The following ATP8A2 variants were observed in gnomAD, a reference collection of about 807,000 sequenced individuals.
ATP8A2 encodes the protein ATPase phospholipid transporting 8A2.
A neutral mutation model predicts 165.6 loss-of-function variants in ATP8A2; 100 were observed. That is an observed-to-expected ratio of 0.60 (90% CI 0.51 to 0.71). ATP8A2 has a LOEUF of 0.71. ATP8A2 is among the 30% of genes least tolerant of loss of function. The pLI, the probability that ATP8A2 is intolerant of heterozygous loss-of-function variation, is 0.00. For synonymous variants in ATP8A2, 543 were observed against 548.8 expected, an observed-to-expected ratio of 0.99 and a Z score of 0.15; for missense variants, 1,227 against 1,479.5, an observed-to-expected ratio of 0.83 and a Z score of 2.80.
intron 2 of ATP8A2, among the ~76,000 whole-genome samples, chr13:25,502,431 C>T (rs917425346): frequency 3.3e-5 from 5 of 152,090 alleles, no homozygotes; most frequent in Non-Finnish European, 7.4e-5. Context: ...TGCCAGTGGG[C>T]GTGTGTTCGT....
rs532755657 is a variant in ATP8A2 at position 25,657,265 on chromosome 13, C to T, written c.2212-41908C>T. ...AGGAGCTGTCTGTATCCTCTTTTGC[C>T]TTGTCTGGAGGTGTGTAGGAGGCTG... On this transcript the variant is annotated intron_variant, in intron 24 of 36. Coordinates refer to ENST00000381655, the MANE Select transcript of ATP8A2 (RefSeq NM_016529.6). Among the ~76,000 whole-genome samples, 6 of 152,002 alleles carry T rather than the reference C, an allele frequency of 3.9e-5. No homozygotes were observed. In the East Asian group the frequency reaches 9.7e-4, roughly 25 times the overall value.
intron 33 of ATP8A2, among the ~76,000 whole-genome samples, chr13:25,942,471 G>A (rs1307839204): frequency 2.0e-5 from 3 of 152,168 alleles, no homozygotes; most frequent in East Asian, 3.9e-4. Flanking sequence ...ACCCTAGGCT[G>A]GAGTGCAGTG....
intron 24 of ATP8A2, among the ~76,000 whole-genome samples, chr13:25,603,071 CTAAA>C (rs1351590539): frequency 6.6e-6 from 1 of 152,108 alleles, no homozygotes; most frequent in African/African-American, 2.4e-5. Context: ...GACTCCATCT[CTAAA>C]TAAATAAATA....
rs531379996 is a variant in ATP8A2 at position 25,947,455 on chromosome 13, G to T, written c.3184-14120G>T. On this transcript the variant is annotated intron_variant, in intron 33 of 36. Coordinates refer to ENST00000381655, the MANE Select transcript of ATP8A2 (RefSeq NM_016529.6). ...TGAGGCCCGCTGTGGGGTGGGAGAA[G>T]TCTTTACCGTCATCAGTGACAATGA... Among the ~76,000 whole-genome samples, 9 of 152,240 alleles carry T rather than the reference G, an allele frequency of 5.9e-5. No homozygotes were observed. In the South Asian group the frequency reaches 1.9e-3, roughly 32 times the overall value.
chr13:25,650,689 A>C (rs1269268180), intron 24 of ATP8A2, among the ~76,000 whole-genome samples: 1 of 152,156 alleles, frequency 6.6e-6, no homozygotes, highest in African/African-American at 2.4e-5. Flanking sequence ...ACTGTTTATC[A>C]GGTTATTATG....
chr13:25,775,462 TGGG>T (rs1207277899), intron 27 of ATP8A2, among the ~76,000 whole-genome samples: 2 of 152,060 alleles, frequency 1.3e-5, no homozygotes, highest in African/African-American at 4.8e-5. Flanking sequence ...GGTACTTACG[TGGG>T]AAGGGTGTGG....
At chr13:25,999,801 G>A (rs1287758151) in intron 35 of ATP8A2, among the ~76,000 whole-genome samples, 1 of 152,128 alleles carries the variant, frequency 6.6e-6, no homozygotes, top group Non-Finnish European at 1.5e-5. Context: ...TGGCAGAAAG[G>A]GGAAAGGAGA....
At chr13:25,965,450 CCTG>C (rs1321105499) in intron 34 of ATP8A2, among the ~76,000 whole-genome samples, 4 of 152,184 alleles carry the variant, frequency 2.6e-5, no homozygotes, top group African/African-American at 9.6e-5. Flanking sequence ...ACGCTATTAT[CCTG>C]CTAACCAAAA....
chr13:26,010,554 C>T (rs1956824767), intron 35 of ATP8A2, among the ~76,000 whole-genome samples: 1 of 152,204 alleles, frequency 6.6e-6, no homozygotes, highest in Admixed American at 6.5e-5. Context: ...GTGCTGGGCA[C>T]GTGTTGGACA....
intron 27 of ATP8A2, among the ~76,000 whole-genome samples, chr13:25,817,803 A>G (rs1205578026): frequency 6.6e-6 from 1 of 151,744 alleles, no homozygotes; most frequent in Non-Finnish European, 1.5e-5. Flanking sequence ...TCAGGCTCCT[A>G]GGTAACTGGG....
chr13:25,859,195 C>G (rs1411354312), intron 30 of ATP8A2, among the ~76,000 whole-genome samples: 4 of 151,810 alleles, frequency 2.6e-5, no homozygotes, highest in Non-Finnish European at 5.9e-5. Flanking sequence ...GACCGAGACT[C>G]TGTCTCAAAA....
chr13:26,021,924 T>G lies in ATP8A2; in HGVS notation c.*1939T>G, dbSNP rs1218389476. On this transcript the variant is annotated 3_prime_UTR_variant, in exon 37 of 37. Coordinates refer to ENST00000381655, the MANE Select transcript of ATP8A2 (RefSeq NM_016529.6). The stretch of plus-strand genomic sequence containing the variant: ...TACAACCTACTGGGCATGGAAATGA[T>G]TTAAAATATGATCTGCATTGACTAA... 2.0e-5 allele frequency: 3 copies of G among 152,196 alleles called. No homozygotes were observed. Among genetic ancestry groups the G allele is most frequent in the African/African-American group, 4.8e-5 (2 of 41,438 alleles). 9.4% of individuals were successfully genotyped at this position (152,196 alleles called of 1,614,324 possible). A position where few individuals can be genotyped will look rare whatever the true frequency, so the allele number is the denominator to read the frequency against.
chr13:25,719,547 A>G (rs1178903972), intron 25 of ATP8A2, among the ~76,000 whole-genome samples: 1 of 152,140 alleles, frequency 6.6e-6, no homozygotes, highest in African/African-American at 2.4e-5. Flanking sequence ...TTCCCAGAAC[A>G]TTTGTTACTC....
At chr13:25,781,402 T>G (rs2138355248) in intron 27 of ATP8A2, among the ~76,000 whole-genome samples, 1 of 152,376 alleles carries the variant, frequency 6.6e-6, no homozygotes, top group Middle Eastern at 3.4e-3. Flanking sequence ...TTTTACAGCT[T>G]TATTTTTTTC....
chr13:25,475,862 T>C (rs866285798), intron 2 of ATP8A2, among the ~76,000 whole-genome samples: 2 of 152,242 alleles, frequency 1.3e-5, no homozygotes, highest in African/African-American at 4.8e-5. Context: ...TTAATGTGGT[T>C]GTTAGTATTT....
intron 35 of ATP8A2, among the ~76,000 whole-genome samples, chr13:25,985,763 T>C (rs1250650608): frequency 1.3e-5 from 2 of 152,230 alleles, no homozygotes; most frequent in Non-Finnish European, 2.9e-5. Flanking sequence ...CCGAAGTTAC[T>C]GTTCACCATG....
At chr13:25,894,148 A>G (rs949710546) in intron 33 of ATP8A2, among the ~76,000 whole-genome samples, 5 of 152,098 alleles carry the variant, frequency 3.3e-5, no homozygotes, top group African/African-American at 1.2e-4. Flanking sequence ...GTTTTCTTCT[A>G]GGGTTTTTAT....
At chr13:25,608,893 T>C (rs1235733584) in intron 24 of ATP8A2, among the ~76,000 whole-genome samples, 1 of 152,126 alleles carries the variant, frequency 6.6e-6, no homozygotes, top group Non-Finnish European at 1.5e-5. Flanking sequence ...ATCATACAAA[T>C]CTTATATTCT....
intron 33 of ATP8A2, among the ~76,000 whole-genome samples, chr13:25,884,888 C>G (rs1953095824): frequency 6.6e-6 from 1 of 152,178 alleles, no homozygotes; most frequent in Non-Finnish European, 1.5e-5. Context: ...CGAGTCCACT[C>G]TTGTCCCCTC....
Sources: allele counts gnomAD v4.1 joint callset (sites outside exome capture counted in the v4.1 genomes callset), GRCh38; gene constraint gnomAD v4.1.1; transcripts MANE v1.5; gene names NCBI Gene and HGNC (gene_info 2026-07-23, HGNC 2026-07-21).